NEURL1B: variants seen among roughly 807,000 people sequenced by gnomAD.
NEURL1B encodes the protein neuralized E3 ubiquitin protein ligase 1B.
NEURL1B carries 13 observed loss-of-function variants against 37.4 expected under a neutral mutation model. The ratio of observed to expected loss-of-function variants is 0.35; its 90% CI spans 0.23 to 0.55. The LOEUF is 0.55. Among genes scored for constraint, NEURL1B ranks in the 20% least tolerant of loss-of-function variants. NEURL1B has a pLI of 0.89. For missense variants in NEURL1B, 790 were observed against 879.2 expected (o/e 0.90, Z 1.28); for synonymous variants, 432 against 426.6 (o/e 1.01, Z -0.16).
At chr5:172,685,404 C>T (rs1758473667) in intron 3 of NEURL1B, among the ~76,000 whole-genome samples, 1 of 152,134 alleles carries the variant, frequency 6.6e-6, no homozygotes, top group African/African-American at 2.4e-5. Context: ...ACGAAGTGCC[C>T]ATTATCTGTC....
Position 172,684,106 on chromosome 5 carries a change from G to A in NEURL1B, c.1265G>A (p.Arg422His). The change falls in exon 3 of 5, where the codon CGC (arginine) becomes CAC (histidine). Residue 422 changes from arginine to histidine, a missense_variant. This residue lies in a region of NEURL1B where 460 missense variants were observed against 407.4 expected (regional missense o/e 1.13). Transcript: ENST00000369800. ...TQALWAFFAV[R>H]GGVAGQLRLL... ...GCGCTCTGGGCCTTCTTCGCCGTGC[G>A]CGGCGGCGTCGCGGGCCAGCTGCGT... is the stretch of plus-strand genomic sequence containing the variant. The A allele has an allele frequency of 7.9e-7, 1 of 1,265,424 alleles. No individual in the cohort carries two copies. The highest frequency in any genetic ancestry group is 9.9e-7 in the Non-Finnish European group (1 of 1,005,418). The allele number at this position is 1,265,424 out of a possible 1,614,324, so 78.4% of individuals were successfully genotyped here. A position where few individuals can be genotyped will look rare whatever the true frequency, so the allele number is the denominator to read the frequency against.
chr5:172,670,642 C>CTCATTCAT lies in NEURL1B; in HGVS notation c.577+327_577+334dup, dbSNP rs111734526. 1.3e-5 allele frequency among the ~76,000 whole-genome samples: 2 copies of CTCATTCAT among 152,136 alleles called. 1 individual carries two copies. The highest frequency in any genetic ancestry group is 4.8e-5 in the African/African-American group (2 of 41,442). On this transcript the variant is annotated intron_variant, in intron 2 of 4. Transcript: ENST00000369800. ...ATTCCTTCACTTCCTAGTTTATTTGCTCATTCATTCATTCATTCATTCGCT... is the reference window on the plus strand; with the variant it reads ...ATTCCTTCACTTCCTAGTTTATTTGCTCATTCATTCATTCATTCATTCATTCATTCGCT...
intron 1 of NEURL1B, among the ~76,000 whole-genome samples, chr5:172,663,712 G>A (rs1248878415): frequency 6.6e-6 from 1 of 151,736 alleles, no homozygotes; most frequent in African/African-American, 2.4e-5. Context: ...CTCACTGGCT[G>A]GGGCCAGCAC....
At chr5:172,677,139 T>C (rs1460510085) in intron 2 of NEURL1B, among the ~76,000 whole-genome samples, 1 of 151,976 alleles carries the variant, frequency 6.6e-6, no homozygotes, top group African/African-American at 2.4e-5. Flanking sequence ...GCTGTGCTGC[T>C]GGCTTCAGGC....
chr5:172,649,125 CTG>C (rs1757612608), intron 1 of NEURL1B, among the ~76,000 whole-genome samples: 1 of 152,144 alleles, frequency 6.6e-6, no homozygotes. Context: ...GAGGAACTAA[CTG>C]TGGGAACTGT....
Position 172,670,061 on chromosome 5 carries a change from C to A in NEURL1B, c.308C>A (p.Ala103Glu). The change falls in exon 2 of 5, where the codon GCG becomes GAG. Residue 103 changes from alanine (A) to glutamate (E), a missense_variant. By Grantham distance (107) the Ala-to-Glu change is moderately radical. This residue lies in a region of NEURL1B where 215 missense variants were observed against 309.2 expected (regional missense o/e 0.70). Coordinates refer to ENST00000369800, the MANE Select transcript of NEURL1B (RefSeq NM_001142651.3). ...WSGALRFGFT[A>E]HDPSLMSAQD... ...GGCGCGCTGCGCTTCGGCTTCACCG[C>A]GCACGATCCGTCGCTCATGAGCGCC... 1.3e-6 allele frequency: 2 copies of A among 1,521,874 alleles called. No individual in the cohort carries two copies. Among genetic ancestry groups the A allele is most frequent in the Non-Finnish European group, 1.8e-6 (2 of 1,140,720 alleles). The allele number at this position is 1,521,874 out of a possible 1,614,324, so 94.3% of individuals were successfully genotyped here. A position where few individuals can be genotyped will look rare whatever the true frequency, so the allele number is the denominator to read the frequency against.
intron 2 of NEURL1B, 89 bp downstream of exon 2, chr5:172,670,419 T>G (rs998725537): frequency 9.3e-7 from 1 of 1,079,640 alleles, no homozygotes; most frequent in Non-Finnish European, 1.2e-6. Flanking sequence ...CAGTCACTTA[T>G]GGAGAGCTCC....
At chr5:172,677,673 T>C (rs1048591938) in intron 2 of NEURL1B, among the ~76,000 whole-genome samples, 1 of 152,130 alleles carries the variant, frequency 6.6e-6, no homozygotes, top group African/African-American at 2.4e-5. Flanking sequence ...CCCCTCGGCC[T>C]TCCCCCCGTG....
chr5:172,670,094 T>TC lies in NEURL1B; in HGVS notation c.345dup (p.Lys116GlnfsTer66). On this transcript the variant is annotated frameshift_variant, in exon 2 of 5. Coordinates refer to ENST00000369800, the MANE Select transcript of NEURL1B (RefSeq NM_001142651.3). LOFTEE classifies it high-confidence loss of function. The stretch of plus-strand genomic sequence containing the variant: ...CCGTCGCTCATGAGCGCCCAGGACA[T>TC]CCCCAAGTACGCCTGCCCGGACCTG... 1 of 1,525,730 alleles carries TC rather than the reference T, an allele frequency of 6.6e-7. No individual in the cohort carries two copies. The highest frequency in any genetic ancestry group is 8.8e-7 in the Non-Finnish European group (1 of 1,142,252). The allele number at this position is 1,525,730 out of a possible 1,614,324, so 94.5% of individuals were successfully genotyped here. A position where few individuals can be genotyped will look rare whatever the true frequency, so the allele number is the denominator to read the frequency against.
intron 2 of NEURL1B, among the ~76,000 whole-genome samples, chr5:172,674,923 G>C (rs1014540562): frequency 1.3e-5 from 2 of 152,184 alleles, no homozygotes; most frequent in African/African-American, 4.8e-5. Context: ...AGGCTGGAGA[G>C]CTGTGGCGCA....
At chr5:172,656,768 T>G (rs1757787630) in intron 1 of NEURL1B, 1 of 726,944 alleles carries the variant, frequency 1.4e-6, no homozygotes, top group Admixed American at 2.1e-5. Context: ...GGCAAAGAAT[T>G]GAACACACTG....
intron 2 of NEURL1B, among the ~76,000 whole-genome samples, chr5:172,677,301 G>A (rs925863551): frequency 1.3e-5 from 2 of 152,294 alleles, no homozygotes; most frequent in East Asian, 1.9e-4. Flanking sequence ...AGTCTGGAGC[G>A]AGACCGCCGC....
At chr5:172,677,927 C>G (rs1320028351) in intron 2 of NEURL1B, among the ~76,000 whole-genome samples, 1 of 152,170 alleles carries the variant, frequency 6.6e-6, no homozygotes, top group African/African-American at 2.4e-5. Context: ...CTCTCCTTTT[C>G]CCTCTTAAGC....
In NEURL1B at chr5:172,641,878, G is replaced by A. The variant is rs2113245021; in HGVS notation, c.31+441G>A. Among the ~76,000 whole-genome samples, 1 of 152,286 alleles carries A rather than the reference G, an allele frequency of 6.6e-6. No homozygotes were observed. The highest frequency in any genetic ancestry group is 1.9e-4 in the East Asian group (1 of 5,174). ...CCGAGAGTGAGGGGTGCTCTCAGGGGCACCCCAGTTTCCAGCCTCCCAGCG... is the reference window on the plus strand; with the variant it reads ...CCGAGAGTGAGGGGTGCTCTCAGGGACACCCCAGTTTCCAGCCTCCCAGCG... On this transcript the variant is annotated intron_variant, in intron 1 of 4. Transcript: ENST00000369800. The surrounding 1 kb of genome is among the most constrained non-coding windows in gnomAD (Gnocchi z 6.4).
chr5:172,663,839 T>C (rs1757954836), intron 1 of NEURL1B, among the ~76,000 whole-genome samples: 1 of 148,268 alleles, frequency 6.7e-6, no homozygotes. Context: ...TTTATTATTA[T>C]TATTATTATT....
intron 3 of NEURL1B, among the ~76,000 whole-genome samples, chr5:172,685,739 G>A (rs766400399): frequency 1.0e-3 from 159 of 152,258 alleles, no homozygotes; most frequent in African/African-American, 3.7e-3. Flanking sequence ...GCCACGGGTT[G>A]GCTCTTCCAG....
intron 1 of NEURL1B, among the ~76,000 whole-genome samples, chr5:172,655,002 C>G (rs1757739145): frequency 6.6e-6 from 1 of 151,566 alleles, no homozygotes; most frequent in Non-Finnish European, 1.5e-5. Flanking sequence ...TCTCTCTTTC[C>G]CCTCTCTCTT....
chr5:172,685,211 G>T (rs1758468724), intron 3 of NEURL1B, among the ~76,000 whole-genome samples: 1 of 152,190 alleles, frequency 6.6e-6, no homozygotes, highest in Non-Finnish European at 1.5e-5. Flanking sequence ...CCTTGAGCGG[G>T]GCCTGACACT....
chr5:172,646,509 G>A (rs1757562986), intron 1 of NEURL1B, among the ~76,000 whole-genome samples: 1 of 152,168 alleles, frequency 6.6e-6, no homozygotes. Context: ...CCCCTTTCCT[G>A]TCTACTGTCA....
Sources: gnomAD v4.1 joint callset for allele counts (sites outside exome capture counted in the v4.1 genomes callset) on GRCh38, gnomAD v4.1.1 for gene constraint, gnomAD v4.1.1 regional missense constraint, Gnocchi (gnomAD v3.1) non-coding constraint, MANE v1.5 for transcripts, NCBI Gene and HGNC (gene_info 2026-07-23, HGNC 2026-07-21) for gene names.